The following NRBP1 variants were observed in gnomAD, a reference collection of about 807,000 sequenced individuals.
NRBP1 encodes the protein nuclear receptor binding protein 1, also known as nuclear receptor-binding protein.
In NRBP1, 10 loss-of-function variants were observed where a neutral mutation model predicts 76.0. The ratio of observed to expected loss-of-function variants is 0.13; its 90% CI spans 0.08 to 0.22. NRBP1 has a LOEUF of 0.22. NRBP1 is among the 10% of genes least tolerant of loss of function. The pLI is 1.00. For synonymous variants in NRBP1, 235 were observed against 240.2 expected, an observed-to-expected ratio of 0.98 and a Z score of 0.20; for missense variants, 344 against 646.0, an observed-to-expected ratio of 0.53 and a Z score of 5.07.
chr2:27,440,703 G>A lies in NRBP1; in HGVS notation c.1193+1G>A. ...TAGATAAATTCCTTGAAGATGTCAG[G>A]TGAGAGCAGAGTGAGAAGCAGGCTT... On this transcript the variant is annotated splice_donor_variant, in intron 13 of 17. Transcript: ENST00000379852. LOFTEE classifies it high-confidence loss of function. 1 of 1,614,212 alleles carries A rather than the reference G, an allele frequency of 6.2e-7. No homozygotes were observed. Among genetic ancestry groups the A allele is most frequent in the Non-Finnish European group, 8.5e-7 (1 of 1,180,044 alleles).
rs1209558501 is a variant in NRBP1, at chr2:27,428,647, G to A, written c.-105G>A. On this transcript the variant is annotated 5_prime_UTR_variant, in exon 1 of 18. Coordinates refer to ENST00000379852, the MANE Select transcript of NRBP1 (RefSeq NM_013392.4). ...CCGCAGTTCGGTTGCGCTGCGGAGC[G>A]CAGCTGTGAGGGAGTCGCTGTGATC... is the stretch of plus-strand genomic sequence containing the variant. 7.5e-6 allele frequency: 3 copies of A among 398,002 alleles called. No individual in the cohort carries two copies. Among genetic ancestry groups the A allele is most frequent in the Non-Finnish European group, 1.3e-5 (3 of 225,704 alleles). The allele number at this position is 398,002 out of a possible 1,614,324, so 24.7% of individuals were successfully genotyped here. A position where few individuals can be genotyped will look rare whatever the true frequency, so the allele number is the denominator to read the frequency against.
intron 1 of NRBP1, 123 bp from the exon 2 acceptor site, chr2:27,433,131 A>C: frequency 1.6e-6 from 1 of 626,464 alleles, no homozygotes; most frequent in South Asian, 1.8e-5. Flanking sequence ...TGCCCACCTC[A>C]GCCTCCCAAA....
rs377131319 is a variant in NRBP1 at position 27,437,009 on chromosome 2, A to C, written c.746-38A>C. On this transcript the variant is annotated intron_variant, in intron 8 of 17. Transcript: ENST00000379852. Reference sequence around the variant, plus strand: ...GCATTCCTGCCAACCCTAGCCCCCAATCCTCTGATTAACCAAAGCCTTCTC... The same window carrying C: ...GCATTCCTGCCAACCCTAGCCCCCACTCCTCTGATTAACCAAAGCCTTCTC... 1.5e-5 allele frequency: 24 copies of C among 1,597,102 alleles called. No individual in the cohort carries two copies. The African/African-American group carries it at 2.7e-4, about 18-fold the overall frequency.
chr2:27,433,298 G>A lies in NRBP1; in HGVS notation c.25G>A (p.Val9Ile). The A allele has an allele frequency of 6.2e-7, 1 of 1,614,082 alleles. No individual in the cohort carries two copies. Among genetic ancestry groups the A allele is most frequent in the South Asian group, 1.1e-5 (1 of 91,074 alleles). ...CATGTCGGAGGGGGAGTCCCAGACA[G>A]TACTTAGCAGTGGCTCAGACCCAAA... MSEGESQT[V>I]LSSGSDPKVE... is the part of the protein sequence containing the mutation. The change falls in exon 2 of 18, where the codon GTA becomes ATA. Residue 9 changes from valine to isoleucine, a missense_variant. Val to Ile is a conservative substitution (Grantham distance 29). Coordinates refer to ENST00000379852, the MANE Select transcript of NRBP1 (RefSeq NM_013392.4).
chr2:27,436,699 G>A, intron 7 of NRBP1, 54 bp from the exon 8 acceptor site: 1 of 1,512,698 alleles, frequency 6.6e-7, no homozygotes, highest in African/African-American at 1.4e-5. Context: ...TCTCTGGAGT[G>A]AGACTATTCT....
intron 10 of NRBP1, among the ~76,000 whole-genome samples, chr2:27,439,131 G>T (rs189841301): frequency 8.5e-5 from 13 of 152,236 alleles, no homozygotes; most frequent in Admixed American, 4.6e-4. Context: ...AATTTGGCAA[G>T]ATTTAGAAAA....
Position 27,440,717 on chromosome 2 carries a change from A to AGAAGCAGGCTTTCTTGAG in NRBP1, c.1193+25_1193+42dup, listed in dbSNP as rs1185545153. 1.2e-6 allele frequency: 2 copies of AGAAGCAGGCTTTCTTGAG among 1,614,174 alleles called. No homozygotes were observed. The highest frequency in any genetic ancestry group is 8.5e-7 in the Non-Finnish European group (1 of 1,179,998). On this transcript the variant is annotated intron_variant, in intron 13 of 17. Transcript: ENST00000379852. ...GAAGATGTCAGGTGAGAGCAGAGTG[A>AGAAGCAGGCTTTCTTGAG]GAAGCAGGCTTTCTTGAGGAAGCAG...
At chr2:27,434,810 A>C in intron 6 of NRBP1, 48 bp downstream of exon 6, 1 of 1,566,586 alleles carries the variant, frequency 6.4e-7, no homozygotes, top group Non-Finnish European at 8.8e-7. Flanking sequence ...TGATGTAGTT[A>C]CTCCAAACAG....
intron 6 of NRBP1, 129 bp downstream of exon 6, chr2:27,434,891 T>A: frequency 9.9e-7 from 1 of 1,006,200 alleles, no homozygotes. Context: ...CTGTCAAGAT[T>A]AGGGCCCCTA....
chr2:27,440,369 C>T, intron 11 of NRBP1, 34 bp from the exon 12 acceptor site: 1 of 1,381,060 alleles, frequency 7.2e-7, no homozygotes, highest in Non-Finnish European at 1.0e-6. Context: ...TCTGACTATC[C>T]CTTCATAATA....
rs887740787 is a variant in NRBP1 at position 27,441,986 on chromosome 2, C to G, written c.*174C>G. ...AGCATCATCCTTTCCCCTCCCCTCTCTTCCTCCCCTCTGCACTTTGTTTAC... is the reference window on the plus strand; with the variant it reads ...AGCATCATCCTTTCCCCTCCCCTCTGTTCCTCCCCTCTGCACTTTGTTTAC... On this transcript the variant is annotated 3_prime_UTR_variant, in exon 18 of 18. Transcript: ENST00000379852. The G allele has an allele frequency of 5.0e-6, 3 of 595,626 alleles. No individual in the cohort carries two copies. The highest frequency in any genetic ancestry group is 8.9e-6 in the Non-Finnish European group (3 of 335,838). The allele number at this position is 595,626 out of a possible 1,614,324, so 36.9% of individuals were successfully genotyped here.
intron 1 of NRBP1, chr2:27,431,872 A>T (rs1391249863): frequency 6.6e-6 from 1 of 152,230 alleles, no homozygotes; most frequent in African/African-American, 2.4e-5. Flanking sequence ...TTTTTGAGAC[A>T]GAGTCTCACT....
rs1291257179 is a variant in NRBP1, at chr2:27,442,064, G to C, written c.*252G>C. On this transcript the variant is annotated 3_prime_UTR_variant, in exon 18 of 18. Transcript: ENST00000379852. ...CTTCTCAGCAGCCGCCTTCTAGTTG[G>C]GGGCTAGTCGCTGATCTGCCGGCTC... is the stretch of plus-strand genomic sequence containing the variant. 2 of 535,352 alleles carry C rather than the reference G, an allele frequency of 3.7e-6. No homozygotes were observed. Among genetic ancestry groups the C allele is most frequent in the Non-Finnish European group, 6.5e-6 (2 of 306,296 alleles). The allele number at this position is 535,352 out of a possible 1,614,324, so 33.2% of individuals were successfully genotyped here.
intron 7 of NRBP1, chr2:27,435,951 G>A: frequency 1.6e-6 from 1 of 609,988 alleles, no homozygotes. Flanking sequence ...TGCCTGGCTG[G>A]CCACTTACCT....
chr2:27,429,089 C>G (rs1271764583), intron 1 of NRBP1: 1 of 167,074 alleles, frequency 6.0e-6, no homozygotes, highest in Non-Finnish European at 1.3e-5. Context: ...TGCGGAAGCT[C>G]GGCGGCCTGG....
At chr2:27,433,078 C>G (rs934228238) in intron 1 of NRBP1, among the ~76,000 whole-genome samples, 176 bp from the exon 2 acceptor site, 3 of 152,042 alleles carry the variant, frequency 2.0e-5, no homozygotes, top group Non-Finnish European at 4.4e-5. Flanking sequence ...GGGGTTTCAC[C>G]ATGTTGATCA....
rs1159316447 is a variant in NRBP1 at position 27,436,789 on chromosome 2, G to C, written c.698G>C (p.Cys233Ser). 1 of 1,613,938 alleles carries C rather than the reference G, an allele frequency of 6.2e-7. No individual in the cohort carries two copies. The highest frequency in any genetic ancestry group is 8.5e-7 in the Non-Finnish European group (1 of 1,180,016). ...ACTATCAACAATCATGTGAAGACTTGTCGAGAAGAGCAGAAGAATCTACAC... is the reference window on the plus strand; with the variant it reads ...ACTATCAACAATCATGTGAAGACTTCTCGAGAAGAGCAGAAGAATCTACAC... ...PDTINNHVKTCREEQKNLHFF... is the reference protein window; with the variant it reads ...PDTINNHVKTSREEQKNLHFF... Residue 233 changes from cysteine to serine, a missense_variant, in exon 8 of 18, where the codon TGT becomes TCT. By Grantham distance (112) the Cys-to-Ser change is moderately radical. Coordinates refer to ENST00000379852, the MANE Select transcript of NRBP1 (RefSeq NM_013392.4).
chr2:27,433,563 C>T, intron 2 of NRBP1, 80 bp downstream of exon 2: 1 of 1,600,066 alleles, frequency 6.2e-7, no homozygotes, highest in East Asian at 2.2e-5. Flanking sequence ...TTAAAAGAGG[C>T]CAACCAAACT....
At chr2:27,433,625 GGATTT>G in intron 2 of NRBP1, 43 bp from the exon 3 acceptor site, 2 of 1,612,540 alleles carry the variant, frequency 1.2e-6, no homozygotes, top group South Asian at 1.1e-5. Flanking sequence ...TTAAAATGGA[GGATTT>G]GTGAGATAAG....
Sources: allele counts gnomAD v4.1 joint callset (sites outside exome capture counted in the v4.1 genomes callset), GRCh38; gene constraint gnomAD v4.1.1; transcripts MANE v1.5; gene names NCBI Gene and HGNC (gene_info 2026-07-23, HGNC 2026-07-21).